UBE2Q2: variants seen among roughly 807,000 people sequenced by gnomAD.
UBE2Q2 encodes ubiquitin-conjugating enzyme E2 Q2.
UBE2Q2 carries 54 observed loss-of-function variants against 59.9 expected under a neutral mutation model. The ratio of observed to expected loss-of-function variants is 0.90; its 90% confidence interval spans 0.72 to 1.13. UBE2Q2 has a LOEUF of 1.13. Among genes scored for constraint, UBE2Q2 ranks in the 50% most tolerant of loss-of-function variants. The pLI is 0.00. For synonymous variants in UBE2Q2, 165 were observed against 155.2 expected, an observed-to-expected ratio of 1.06 and a Z score of -0.47; for missense variants, 433 against 441.9, an observed-to-expected ratio of 0.98 and a Z score of 0.18.
In UBE2Q2 at chr15:75,843,789, G is replaced by A. The variant is rs1483071002; in HGVS notation, c.123G>A (p.Pro41=). Residue 41 remains proline (P), a synonymous_variant, in exon 1 of 13, where the codon CCG becomes CCA. Coordinates refer to ENST00000267938, the MANE Select transcript of UBE2Q2 (RefSeq NM_173469.4). The stretch of plus-strand genomic sequence containing the variant: ...AGCTGCACTGCCAGTTCCTGGTGCC[G>A]CAGCAGGGCAGCCCGCACTCGCTGC... ...LDELHCQFLV[P]QQGSPHSLPP... 1.2e-6 allele frequency: 2 copies of A among 1,607,424 alleles called. No individual in the cohort carries two copies. The highest frequency in any genetic ancestry group is 1.7e-6 in the Non-Finnish European group (2 of 1,178,048).
intron 7 of UBE2Q2, 24 bp from the exon 8 acceptor site, chr15:75,879,074 T>A: frequency 6.7e-7 from 1 of 1,495,764 alleles, no homozygotes; most frequent in Non-Finnish European, 9.0e-7. Context: ...TTATTTGAAC[T>A]GTTTTTTGTT....
chr15:75,875,488 G>A (rs1898027159), intron 5 of UBE2Q2, among the ~76,000 whole-genome samples: 1 of 152,202 alleles, frequency 6.6e-6, no homozygotes, highest in Non-Finnish European at 1.5e-5. Flanking sequence ...GTGCGAACTA[G>A]ACCATCTGTG....
chr15:75,867,814 A>G (rs1044780711), intron 3 of UBE2Q2, among the ~76,000 whole-genome samples: 20 of 152,172 alleles, frequency 1.3e-4, no homozygotes, highest in African/African-American at 4.6e-4. Flanking sequence ...GATGCAACCA[A>G]ACTCTTTGGG....
intron 9 of UBE2Q2, among the ~76,000 whole-genome samples, chr15:75,884,504 G>A (rs1458666723): frequency 6.6e-6 from 1 of 152,110 alleles, no homozygotes; most frequent in Non-Finnish European, 1.5e-5. Context: ...CTTTGGTGTT[G>A]ATACTACAGA....
chr15:75,870,907 G>C (rs576901164), intron 4 of UBE2Q2, among the ~76,000 whole-genome samples: 1 of 152,178 alleles, frequency 6.6e-6, no homozygotes, highest in Admixed American at 6.5e-5. Flanking sequence ...TAGGTGGAAC[G>C]AGAGACTTGG....
intron 1 of UBE2Q2, among the ~76,000 whole-genome samples, chr15:75,851,794 T>C (rs1320200183): frequency 2.6e-5 from 4 of 152,204 alleles, no homozygotes; most frequent in Non-Finnish European, 5.9e-5. Context: ...TCATGTATAC[T>C]TCCCGTTTCA....
chr15:75,862,900 T>C (rs1328623804), intron 3 of UBE2Q2, among the ~76,000 whole-genome samples: 2 of 151,834 alleles, frequency 1.3e-5, no homozygotes, highest in African/African-American at 4.8e-5. Flanking sequence ...AGTGGGAATT[T>C]AGGCTGATTC....
chr15:75,890,475 A>G lies in UBE2Q2; in HGVS notation c.925A>G (p.Thr309Ala). 1.9e-6 allele frequency: 3 copies of G among 1,609,482 alleles called. No individual in the cohort carries two copies. Among genetic ancestry groups the G allele is most frequent in the Non-Finnish European group, 2.5e-6 (3 of 1,178,994 alleles). The change falls in exon 10 of 13, where the codon ACA becomes GCA. Residue 309 changes from threonine (T) to alanine (A), a missense_variant. Transcript: ENST00000267938. ...AGGAGCATTATGTATGGAACTTCTC[A>G]CAAAACAGGTGACTTTTCTTACGAT... ...GGGALCMELL[T>A]KQGWSSAYSI...
Position 75,877,991 on chromosome 15 carries a change from G to A in UBE2Q2, c.704G>A (p.Ser235Asn), listed in dbSNP as rs1213048690. 1.1e-5 allele frequency: 17 copies of A among 1,613,740 alleles called. No homozygotes were observed. The highest frequency in any genetic ancestry group is 1.4e-5 in the Non-Finnish European group (17 of 1,179,842). Residue 235 changes from serine to asparagine, a missense_variant, in exon 7 of 13, where the codon AGT becomes AAT. Ser to Asn is a conservative substitution (Grantham distance 46, BLOSUM62 1). Transcript: ENST00000267938. ...TATTCAGTGGAACTCATAAATGACA[G>A]TTTATATGACTGGCATGTTAAACTG... ...GIYSVELIND[S>N]LYDWHVKLQK...
intron 1 of UBE2Q2, chr15:75,844,419 C>G (rs1896209999): frequency 6.4e-7 from 1 of 1,551,626 alleles, no homozygotes; most frequent in South Asian, 1.2e-5. Flanking sequence ...TGAGCGACCC[C>G]TCTCCCCCGG....
At chr15:75,863,603 G>A (rs190690894) in intron 3 of UBE2Q2, among the ~76,000 whole-genome samples, 74 of 149,682 alleles carry the variant, frequency 4.9e-4, no homozygotes, top group East Asian at 4.5e-3. Context: ...ATGTCACTAC[G>A]GCCAGCTGAT....
At position 75,854,613 on chromosome 15, in the gene UBE2Q2, AGTTT is replaced by A. The variant is rs559030303; in HGVS notation, c.282+135_282+138del. ...TATAATCTTGTAGGAATTAAAGACT[AGTTT>A]GTTTGTTTTTTTTCCTTCAAATTCT... On this transcript the variant is annotated intron_variant, in intron 2 of 12. Transcript: ENST00000267938. 1,076 of 581,962 alleles carry A rather than the reference AGTTT, an allele frequency of 1.8e-3. 2 individuals are homozygous for A. The highest frequency in any genetic ancestry group is 2.7e-3 in the Middle Eastern group (6 of 2,224). 36.0% of individuals were successfully genotyped at this position (581,962 alleles called of 1,614,324 possible).
At chr15:75,853,332 G>A (rs1595856530) in intron 1 of UBE2Q2, among the ~76,000 whole-genome samples, 2 of 151,972 alleles carry the variant, frequency 1.3e-5, no homozygotes, top group Admixed American at 6.6e-5. Flanking sequence ...TTAGCTTGGC[G>A]TGGTGGCATG....
At position 75,898,507 on chromosome 15, in the gene UBE2Q2, G is replaced by A. The variant is rs114864846; in HGVS notation, c.1097-920G>A. Among the ~76,000 whole-genome samples the A allele has an allele frequency of 4.3e-3, 657 of 152,142 alleles. 14 individuals are homozygous for A. The highest frequency in any genetic ancestry group is 0.015 in the African/African-American group (618 of 41,508). ...ACCTTACATAGTTATCATTTTTATG[G>A]TGAGACACTTTACATCCACTCTTAA... On this transcript the variant is annotated intron_variant, in intron 12 of 12. Transcript: ENST00000267938.
In UBE2Q2 at chr15:75,857,602, C is replaced by T. The variant is rs377122346; in HGVS notation, c.283-2276C>T. 1.2e-4 allele frequency among the ~76,000 whole-genome samples: 18 copies of T among 152,284 alleles called. No individual in the cohort carries two copies. The East Asian group carries it at 1.9e-3, about 16-fold the overall frequency. Reference sequence around the variant, plus strand: ...TCCTAGTTGCCAAAACTAGCGGCTCCTCTCTTAGTCCCCAAATTGACCCCT... The same window carrying T: ...TCCTAGTTGCCAAAACTAGCGGCTCTTCTCTTAGTCCCCAAATTGACCCCT... On this transcript the variant is annotated intron_variant, in intron 2 of 12. Coordinates refer to ENST00000267938, the MANE Select transcript of UBE2Q2 (RefSeq NM_173469.4).
At position 75,869,149 on chromosome 15, in the gene UBE2Q2, C is replaced by G. The variant is rs960938895; in HGVS notation, c.447+139C>G. 7.0e-6 allele frequency: 5 copies of G among 713,082 alleles called. No homozygotes were observed. In the African/African-American group the frequency reaches 9.0e-5, roughly 13 times the overall value. 44.2% of individuals were successfully genotyped at this position (713,082 alleles called of 1,614,324 possible). ...TGTGTTTGGAATGGAATATAATTTC[C>G]CAACTCTGGCTTTACCTCTAACTAA... On this transcript the variant is annotated intron_variant, in intron 4 of 12. Coordinates refer to ENST00000267938, the MANE Select transcript of UBE2Q2 (RefSeq NM_173469.4).
At chr15:75,879,234 TATA>T in intron 8 of UBE2Q2, 46 bp downstream of exon 8, 1 of 1,179,226 alleles carries the variant, frequency 8.5e-7, no homozygotes, top group South Asian at 1.4e-5. Flanking sequence ...GTGGGGTGCG[TATA>T]TTTGTACAAG....
chr15:75,892,209 G>A (rs1035284014), intron 11 of UBE2Q2, among the ~76,000 whole-genome samples: 2 of 152,180 alleles, frequency 1.3e-5, no homozygotes, highest in African/African-American at 4.8e-5. Context: ...TGTATCCACA[G>A]CTGTCATCAG....
chr15:75,884,146 T>G lies in UBE2Q2; in HGVS notation c.884+722T>G, dbSNP rs118061290. Among the ~76,000 whole-genome samples, 192 of 152,278 alleles carry G rather than the reference T, an allele frequency of 1.3e-3. 2 individuals carry two copies. In the East Asian group the frequency reaches 0.033, roughly 26 times the overall value. On this transcript the variant is annotated intron_variant, in intron 9 of 12. Coordinates refer to ENST00000267938, the MANE Select transcript of UBE2Q2 (RefSeq NM_173469.4). ...AGAAGGTGGGGAAAAGATCACAATT[T>G]GTTAGGTTAGTTATGAAATGTTCAG...
Sources: gnomAD v4.1 joint callset for allele counts (sites outside exome capture counted in the v4.1 genomes callset) on GRCh38, gnomAD v4.1.1 for gene constraint, MANE v1.5 for transcripts, NCBI Gene and HGNC (gene_info 2026-07-23, HGNC 2026-07-21) for gene names.